Variants in GPATCH2 observed in about 807,000 individuals in gnomAD.
GPATCH2 encodes G-patch domain containing 2, also known as G patch domain-containing protein 2.
In GPATCH2, 51 loss-of-function variants were observed where a neutral mutation model predicts 58.0. The ratio of observed to expected loss-of-function variants is 0.88; its 90% CI spans 0.70 to 1.11. The LOEUF is 1.11. Among genes scored for constraint, GPATCH2 ranks in the 50% most tolerant of loss-of-function variants. The pLI is 0.00. For missense variants in GPATCH2, 625 were observed against 652.2 expected (o/e 0.96, Z 0.45); for synonymous variants, 222 against 218.5 (o/e 1.02, Z -0.14).
intron 3 of GPATCH2, among the ~76,000 whole-genome samples, chr1:217,611,402 T>C (rs1466276517): frequency 6.6e-6 from 1 of 152,116 alleles, no homozygotes; most frequent in African/African-American, 2.4e-5. Context: ...ACTTAAGAAA[T>C]GTTATCTTAA....
At chr1:217,495,769 A>G (rs556502509) in intron 7 of GPATCH2, among the ~76,000 whole-genome samples, 5 of 152,334 alleles carry the variant, frequency 3.3e-5, no homozygotes, top group African/African-American at 1.2e-4. Flanking sequence ...TTTTTTACAA[A>G]TAACTCTTTT....
intron 5 of GPATCH2, among the ~76,000 whole-genome samples, chr1:217,594,190 T>C (rs936238864): frequency 6.6e-6 from 1 of 152,132 alleles, no homozygotes; most frequent in African/African-American, 2.4e-5. Context: ...ATTTAACTCA[T>C]AATTTTTTCA....
At chr1:217,451,225 T>G (rs1659650683) in intron 8 of GPATCH2, among the ~76,000 whole-genome samples, 1 of 152,224 alleles carries the variant, frequency 6.6e-6, no homozygotes, top group African/African-American at 2.4e-5. Flanking sequence ...CATTTTTTCC[T>G]TGGTAGGATA....
intron 5 of GPATCH2, among the ~76,000 whole-genome samples, chr1:217,595,302 A>T (rs1010374426): frequency 2.0e-5 from 3 of 152,198 alleles, no homozygotes; most frequent in Non-Finnish European, 4.4e-5. Context: ...TCAAAAGGGG[A>T]ACTCAATCAA....
intron 5 of GPATCH2, among the ~76,000 whole-genome samples, chr1:217,520,412 A>T (rs1162694241): frequency 6.6e-6 from 1 of 152,234 alleles, no homozygotes; most frequent in African/African-American, 2.4e-5. Context: ...AATTTTATAA[A>T]ATCTAATAAC....
chr1:217,596,064 A>G (rs1241995083), intron 5 of GPATCH2, among the ~76,000 whole-genome samples: 2 of 152,160 alleles, frequency 1.3e-5, no homozygotes, highest in African/African-American at 4.8e-5. Flanking sequence ...AATAGGAGAG[A>G]AAACATTAAG....
At chr1:217,460,882 A>AAGTTGAGAGTCCCCACTCATTCAAGAG (rs1157209240) in intron 8 of GPATCH2, among the ~76,000 whole-genome samples, 2 of 152,234 alleles carry the variant, frequency 1.3e-5, no homozygotes, top group African/African-American at 4.8e-5. Context: ...CTAACTCTTG[A>AAGTTGAGAGTCCCCACTCATTCAAGAG]AGTTGAGAGT....
At chr1:217,539,895 A>T (rs377641968) in intron 5 of GPATCH2, among the ~76,000 whole-genome samples, 10 of 86,838 alleles carry the variant, frequency 1.2e-4, no homozygotes, top group African/African-American at 3.0e-4. Flanking sequence ...ATGTATTTAT[A>T]AAAAAACTTA....
At chr1:217,483,245 T>C (rs545952888) in intron 8 of GPATCH2, among the ~76,000 whole-genome samples, 4 of 152,198 alleles carry the variant, frequency 2.6e-5, no homozygotes, top group Non-Finnish European at 5.9e-5. Flanking sequence ...AGTGCAGTGG[T>C]ACAATCTTGG....
Position 217,560,616 on chromosome 1 carries a change from A to C in GPATCH2, c.1099-45727T>G, listed in dbSNP as rs570146012. The stretch of plus-strand genomic sequence containing the variant: ...TCAAACATTCGGAATATAATGGCCC[A>C]ACAATTATGAACCTCCAATTCTGTA... On this transcript the variant is annotated intron_variant, in intron 5 of 9. Transcript: ENST00000366935. 8.5e-5 allele frequency among the ~76,000 whole-genome samples: 13 copies of C among 152,362 alleles called. No individual in the cohort carries two copies. In the East Asian group the frequency reaches 2.5e-3, roughly 29 times the overall value.
chr1:217,549,848 A>T (rs1302255132), intron 5 of GPATCH2, among the ~76,000 whole-genome samples: 1 of 152,148 alleles, frequency 6.6e-6, no homozygotes, highest in Non-Finnish European at 1.5e-5. Flanking sequence ...TAAGACTAAA[A>T]ATTTTCAGTG....
At chr1:217,450,271 G>C (rs1385156953) in intron 8 of GPATCH2, among the ~76,000 whole-genome samples, 1 of 151,996 alleles carries the variant, frequency 6.6e-6, no homozygotes, top group Non-Finnish European at 1.5e-5. Flanking sequence ...TAGTAAGACA[G>C]AGAGATATCT....
At chr1:217,579,234 A>C (rs75198712) in intron 5 of GPATCH2, among the ~76,000 whole-genome samples, 6,900 of 152,238 alleles carry the variant, frequency 0.045, 516 homozygotes, top group African/African-American at 0.16. Flanking sequence ...AGAATACTTA[A>C]AATACATTGC....
At chr1:217,559,886 G>A (rs989811612) in intron 5 of GPATCH2, among the ~76,000 whole-genome samples, 1 of 151,868 alleles carries the variant, frequency 6.6e-6, no homozygotes, top group South Asian at 2.1e-4. Context: ...GAGAGAGAGA[G>A]AGAGAGAGAG....
Position 217,443,592 on chromosome 1 carries a change from C to T in GPATCH2, c.1366+5657G>A, listed in dbSNP as rs61826732. Among the ~76,000 whole-genome samples the T allele has an allele frequency of 7.0e-3, 1,066 of 152,116 alleles. 9 individuals are homozygous for T. Among genetic ancestry groups the T allele is most frequent in the Non-Finnish European group, 0.012 (840 of 67,986 alleles). On this transcript the variant is annotated intron_variant, in intron 9 of 9. Coordinates refer to ENST00000366935, the MANE Select transcript of GPATCH2 (RefSeq NM_018040.5). ...CTTCCATTCTAAAAATTCTTATTTT[C>T]CTGAATATTGCACCATCTTATTCTC... is the stretch of plus-strand genomic sequence containing the variant.
At chr1:217,609,894 C>A (rs1274056768) in intron 5 of GPATCH2, 4 of 1,069,936 alleles carry the variant, frequency 3.7e-6, no homozygotes, top group East Asian at 5.7e-5. Flanking sequence ...AAAAAAAAAA[C>A]CATAAAAGAG....
chr1:217,475,886 C>G (rs1445422608), intron 8 of GPATCH2, among the ~76,000 whole-genome samples: 2 of 151,940 alleles, frequency 1.3e-5, no homozygotes, highest in Non-Finnish European at 2.9e-5. Context: ...TAAAATCCCA[C>G]ACAGGGGATA....
chr1:217,535,107 T>C (rs565730250), intron 5 of GPATCH2, among the ~76,000 whole-genome samples: 169 of 152,350 alleles, frequency 1.1e-3, no homozygotes, highest in Non-Finnish European at 1.7e-3. Flanking sequence ...GCAGATTTCA[T>C]AGATGTTATA....
At chr1:217,457,191 T>C (rs1659983628) in intron 8 of GPATCH2, among the ~76,000 whole-genome samples, 1 of 152,172 alleles carries the variant, frequency 6.6e-6, no homozygotes, top group African/African-American at 2.4e-5. Flanking sequence ...TTAGGTTGCA[T>C]TGGTTTGATT....
Sources: gnomAD v4.1 joint callset for allele counts (sites outside exome capture counted in the v4.1 genomes callset) on GRCh38, gnomAD v4.1.1 for gene constraint, MANE v1.5 for transcripts, NCBI Gene and HGNC (gene_info 2026-07-23, HGNC 2026-07-21) for gene names.